Variants in ST8SIA4 observed in about 807,000 individuals in gnomAD.
ST8SIA4 encodes CMP-N-acetylneuraminate-poly-alpha-2,8-sialyltransferase.
ST8SIA4 carries 15 observed loss-of-function variants against 33.9 expected under a neutral mutation model. The observed-to-expected ratio is 0.44, with a 90% CI of 0.30 to 0.68. The LOEUF (loss-of-function observed/expected upper bound fraction) is 0.68, where lower values mean the gene tolerates loss of function less well. ST8SIA4 is among the 30% of genes least tolerant of loss of function. The pLI is 0.10. For missense variants in ST8SIA4, 321 were observed against 428.0 expected, an observed-to-expected ratio of 0.75 and a Z score of 2.21; for synonymous variants, 171 against 151.2, an observed-to-expected ratio of 1.13 and a Z score of -0.96.
At chr5:100,857,770 A>G (rs1370314185) in intron 3 of ST8SIA4, among the ~76,000 whole-genome samples, 2 of 151,952 alleles carry the variant, frequency 1.3e-5, no homozygotes, top group Non-Finnish European at 2.9e-5. Flanking sequence ...TACTTCCTAG[A>G]TCTCCGACAA....
chr5:100,818,921 C>A (rs990886360), intron 4 of ST8SIA4, among the ~76,000 whole-genome samples: 3 of 152,142 alleles, frequency 2.0e-5, no homozygotes, highest in Non-Finnish European at 2.9e-5. Flanking sequence ...CACCCCTCTT[C>A]TTTTTATCTG....
At chr5:100,835,287 C>T (rs892041847) in intron 4 of ST8SIA4, among the ~76,000 whole-genome samples, 3 of 151,958 alleles carry the variant, frequency 2.0e-5, no homozygotes, top group African/African-American at 7.3e-5. Flanking sequence ...ATTTTGACAG[C>T]CAGGAATGAT....
intron 3 of ST8SIA4, among the ~76,000 whole-genome samples, chr5:100,875,851 T>A (rs1411507450): frequency 6.6e-6 from 1 of 152,182 alleles, no homozygotes. Context: ...TAATGTGGAC[T>A]CTTGTTGAGA....
intron 1 of ST8SIA4, chr5:100,900,218 T>C (rs764854247): frequency 1.2e-4 from 42 of 344,278 alleles, no homozygotes; most frequent in Non-Finnish European, 2.0e-4. Context: ...GGGGTAGTGA[T>C]GCAAGATTCA....
At chr5:100,901,647 C>T (rs772529003) in intron 1 of ST8SIA4, among the ~76,000 whole-genome samples, 19 of 152,150 alleles carry the variant, frequency 1.2e-4, no homozygotes, top group Non-Finnish European at 1.9e-4. Flanking sequence ...CAGCCCATTC[C>T]TTGCTAGCTT....
intron 4 of ST8SIA4, among the ~76,000 whole-genome samples, chr5:100,846,802 C>T (rs1399954253): frequency 2.6e-5 from 4 of 152,042 alleles, no homozygotes; most frequent in Non-Finnish European, 4.4e-5. Flanking sequence ...AACTGGGAAG[C>T]ATATTGGTCA....
At chr5:100,842,319 G>T (rs967272243) in intron 4 of ST8SIA4, among the ~76,000 whole-genome samples, 1 of 151,810 alleles carries the variant, frequency 6.6e-6, no homozygotes, top group African/African-American at 2.4e-5. Context: ...GCTGAGCAAA[G>T]AACAAAATTT....
At chr5:100,872,875 TAAA>T (rs550303574) in intron 3 of ST8SIA4, among the ~76,000 whole-genome samples, 3,119 of 132,410 alleles carry the variant, frequency 0.024, 85 homozygotes, top group East Asian at 0.1. Flanking sequence ...AGATATGGGC[TAAA>T]AAAAAAAAAA....
In ST8SIA4 at chr5:100,811,770, G is replaced by A. The variant is rs977668772; in HGVS notation, c.*77C>T. On this transcript the variant is annotated 3_prime_UTR_variant, in exon 5 of 5. Transcript: ENST00000231461. ...CATTGGTGGATGCTGAAACCCAGCC[G>A]TGTTTTGGATCCTATTTTCAAATCT... The A allele has an allele frequency of 7.0e-6, 10 of 1,438,210 alleles. No individual in the cohort carries two copies. The highest frequency in any genetic ancestry group is 5.7e-5 in the African/African-American group (4 of 70,154). 89.1% of individuals were successfully genotyped at this position (1,438,210 alleles called of 1,614,324 possible). A position where few individuals can be genotyped will look rare whatever the true frequency, so the allele number is the denominator to read the frequency against.
In ST8SIA4 at chr5:100,886,425, T is replaced by A; in HGVS notation, c.421A>T (p.Thr141Ser). Residue 141 changes from threonine (T) to serine (S), a missense_variant, in exon 3 of 5, where the codon ACC becomes TCC. Thr to Ser is a moderately conservative substitution (Grantham distance 58). Coordinates refer to ENST00000231461, the MANE Select transcript of ST8SIA4 (RefSeq NM_005668.6). ...CCAGAATTTCCAACAACTGCACAGG[T>A]CTTAAACCTGCGATTCTTCATTGGT... ...VSPMKNRRFK[T>S]CAVVGNSGIL... The A allele has an allele frequency of 6.2e-7, 1 of 1,613,912 alleles. No homozygotes were observed. Among genetic ancestry groups the A allele is most frequent in the Non-Finnish European group, 8.5e-7 (1 of 1,179,848 alleles).
intron 1 of ST8SIA4, among the ~76,000 whole-genome samples, chr5:100,899,507 C>T (rs1752853137): frequency 6.6e-6 from 1 of 152,044 alleles, no homozygotes; most frequent in Non-Finnish European, 1.5e-5. Flanking sequence ...GGTTTTAGAA[C>T]TAATATTGTT....
chr5:100,881,769 T>C (rs1752430165), intron 3 of ST8SIA4, among the ~76,000 whole-genome samples: 1 of 152,178 alleles, frequency 6.6e-6, no homozygotes, highest in South Asian at 2.1e-4. Flanking sequence ...TCACCCATAG[T>C]GTTCTCAGGG....
intron 3 of ST8SIA4, among the ~76,000 whole-genome samples, chr5:100,860,903 C>A (rs552310391): frequency 1.2e-4 from 19 of 152,248 alleles, no homozygotes; most frequent in South Asian, 1.2e-3. Flanking sequence ...TCAGCCATGA[C>A]CTTTCCCAAA....
intron 3 of ST8SIA4, among the ~76,000 whole-genome samples, chr5:100,877,652 T>A (rs1752334513): frequency 6.6e-6 from 1 of 152,070 alleles, no homozygotes. Flanking sequence ...AATATGACCC[T>A]CAAAACAGAA....
At chr5:100,865,587 T>A (rs539469969) in intron 3 of ST8SIA4, among the ~76,000 whole-genome samples, 16 of 152,316 alleles carry the variant, frequency 1.1e-4, no homozygotes, top group African/African-American at 3.6e-4. Flanking sequence ...CAAATCAGCA[T>A]GTTCAAATTG....
At position 100,835,379 on chromosome 5, in the gene ST8SIA4, G is replaced by A. The variant is rs980234464; in HGVS notation, c.797+20724C>T. Among the ~76,000 whole-genome samples, 4 of 152,060 alleles carry A rather than the reference G, an allele frequency of 2.6e-5. No individual in the cohort carries two copies. In the East Asian group the frequency reaches 7.7e-4, roughly 29 times the overall value. ...TACTCACATGAAAGTAGGTAAATGA[G>A]TAGGAAAATGCATGGGAAAAACTAC... On this transcript the variant is annotated intron_variant, in intron 4 of 4. Coordinates refer to ENST00000231461, the MANE Select transcript of ST8SIA4 (RefSeq NM_005668.6).
chr5:100,860,067 A>C (rs17780992), intron 3 of ST8SIA4, among the ~76,000 whole-genome samples: 2,552 of 152,264 alleles, frequency 0.017, 29 homozygotes, highest in Admixed American at 0.025. Flanking sequence ...ATCATCCAAA[A>C]CTGGAGTAAA....
At position 100,846,224 on chromosome 5, in the gene ST8SIA4, T is replaced by C. The variant is rs550443143; in HGVS notation, c.797+9879A>G. Among the ~76,000 whole-genome samples, 20 of 152,012 alleles carry C rather than the reference T, an allele frequency of 1.3e-4. No individual in the cohort carries two copies. In the South Asian group the frequency reaches 3.3e-3, roughly 25 times the overall value. ...TAATTTCTAGTGCTACCCAGATCGATGAAAAAAACCTCTTCCTCAATTCTG... is the reference window on the plus strand; with the variant it reads ...TAATTTCTAGTGCTACCCAGATCGACGAAAAAAACCTCTTCCTCAATTCTG... On this transcript the variant is annotated intron_variant, in intron 4 of 4. Transcript: ENST00000231461.
chr5:100,885,532 T>A (rs370776564), intron 3 of ST8SIA4: 3 of 933,210 alleles, frequency 3.2e-6, no homozygotes, highest in East Asian at 2.3e-4. Context: ...TCAGCATACT[T>A]TTCTATCTAT....
Sources: allele counts gnomAD v4.1 joint callset (sites outside exome capture counted in the v4.1 genomes callset), GRCh38; gene constraint gnomAD v4.1.1; transcripts MANE v1.5; gene names NCBI Gene and HGNC (gene_info 2026-07-23, HGNC 2026-07-21).